SH3BGR: variants seen among roughly 807,000 people sequenced by gnomAD.
The protein encoded by SH3BGR is SH3 domain binding glutamate rich protein, also known as SH3 domain-binding glutamic acid-rich protein.
A neutral mutation model predicts 24.5 loss-of-function variants in SH3BGR; 29 were observed. That is an observed-to-expected ratio of 1.18 (90% CI 0.88 to 1.61). SH3BGR has a LOEUF of 1.61. Among genes scored for constraint, SH3BGR ranks in the 40% most tolerant of loss-of-function variants. The pLI, the probability that SH3BGR is intolerant of heterozygous loss-of-function variation, is 0.00. For synonymous variants in SH3BGR, 55 were observed against 65.7 expected, an observed-to-expected ratio of 0.84 and a Z score of 0.79; for missense variants, 162 against 205.8, an observed-to-expected ratio of 0.79 and a Z score of 1.30.
Position 39,511,497 on chromosome 21 carries a change from G to C in SH3BGR, c.436-183G>C, listed in dbSNP as rs758093899. Among the ~76,000 whole-genome samples, 6 of 150,242 alleles carry C rather than the reference G, an allele frequency of 4.0e-5. No homozygotes were observed. Among genetic ancestry groups the C allele is most frequent in the Non-Finnish European group, 8.9e-5 (6 of 67,516 alleles). On this transcript the variant is annotated intron_variant, in intron 5 of 6. Coordinates refer to ENST00000333634, the MANE Select transcript of SH3BGR (RefSeq NM_007341.3). The surrounding 1 kb of genome is among the most constrained non-coding windows in gnomAD (Gnocchi z 4.2). ...TGGGCGGTATGTGTGTGGGGTGTGT[G>C]TGTGGCATGTGTTTGTGTGGCATGT...
chr21:39,482,700 C>T (rs771988359), intron 3 of SH3BGR, among the ~76,000 whole-genome samples: 24 of 151,828 alleles, frequency 1.6e-4, no homozygotes, highest in Non-Finnish European at 5.9e-5. Flanking sequence ...GACAGAGTCT[C>T]GCTCTGTCAC....
At chr21:39,447,330 C>G (rs1221325286), upstream of SH3BGR, among the ~76,000 whole-genome samples, 1 of 151,878 alleles carries the variant, frequency 6.6e-6, no homozygotes, top group African/African-American at 2.4e-5. Flanking sequence ...ATGGTTTCCT[C>G]CTCTTTTCTA....
chr21:39,479,224 G>GGGTGGTGGTGGTGGTGGTGGT (rs973677506), intron 3 of SH3BGR, among the ~76,000 whole-genome samples: 3 of 137,584 alleles, frequency 2.2e-5, no homozygotes, highest in African/African-American at 3.3e-5. Flanking sequence ...GAGGTGGTAA[G>GGGTGGTGGTGGTGGTGGTGGT]GGTGGTGGTG....
intron 3 of SH3BGR, among the ~76,000 whole-genome samples, chr21:39,483,854 A>C (rs1038855368): frequency 6.6e-6 from 1 of 152,218 alleles, no homozygotes; most frequent in African/African-American, 2.4e-5. Flanking sequence ...CCTTATATTA[A>C]GTCTCCGAAA....
At chr21:39,480,273 A>G (rs1305484946) in intron 3 of SH3BGR, among the ~76,000 whole-genome samples, 1 of 152,180 alleles carries the variant, frequency 6.6e-6, no homozygotes, top group Non-Finnish European at 1.5e-5. Context: ...TTGTGCAACC[A>G]CCACCACTGT....
chr21:39,446,446 A>G (rs1461953426), intron 1 of SH3BGR, among the ~76,000 whole-genome samples: 1 of 152,180 alleles, frequency 6.6e-6, no homozygotes, highest in Admixed American at 6.5e-5. Flanking sequence ...CCTTAGGATA[A>G]ATTCCTACAA....
rs1324588403 is a variant in SH3BGR, at chr21:39,510,034, C to T, written c.435+1007C>T. 3.9e-5 allele frequency among the ~76,000 whole-genome samples: 5 copies of T among 128,648 alleles called. No homozygotes were observed. In the South Asian group the frequency reaches 1.2e-3, roughly 30 times the overall value. 84.4% of individuals were successfully genotyped at this position (128,648 alleles called of 152,430 possible). A position where few individuals can be genotyped will look rare whatever the true frequency, so the allele number is the denominator to read the frequency against. Reference sequence around the variant, plus strand: ...CTCGGCTCACTGCAAGCTCCGCCTCCCAGGTTCACGCCATTCTCCTGCCTC... The same window carrying T: ...CTCGGCTCACTGCAAGCTCCGCCTCTCAGGTTCACGCCATTCTCCTGCCTC... On this transcript the variant is annotated intron_variant, in intron 5 of 6. Coordinates refer to ENST00000333634, the MANE Select transcript of SH3BGR (RefSeq NM_007341.3).
chr21:39,469,074 A>T (rs530495157), intron 2 of SH3BGR, among the ~76,000 whole-genome samples: 11 of 148,616 alleles, frequency 7.4e-5, no homozygotes, highest in African/African-American at 2.7e-4. Flanking sequence ...CAGTGGTGCC[A>T]TCATGGCCCA....
rs1365001907 is a variant in SH3BGR at position 39,462,420 on chromosome 21, A to G, written c.91A>G (p.Lys31Glu). 6.2e-7 allele frequency: 1 copy of G among 1,612,284 alleles called. No homozygotes were observed. Among genetic ancestry groups the G allele is most frequent in the Non-Finnish European group, 8.5e-7 (1 of 1,179,644 alleles). The change falls in exon 2 of 7, where the codon AAA becomes GAA. Residue 31 changes from lysine to glutamate, a missense_variant. Coordinates refer to ENST00000333634, the MANE Select transcript of SH3BGR (RefSeq NM_007341.3). ...AGTAGTGGGTTTTTTGGAAGCGAAT[A>G]AAATCGACTTTAAGGAATTAGATAT... ...QEVVGFLEAN[K>E]IDFKELDIAG...
intron 2 of SH3BGR, among the ~76,000 whole-genome samples, chr21:39,465,971 GT>G (rs2077834901): frequency 6.6e-6 from 1 of 152,100 alleles, no homozygotes; most frequent in Admixed American, 6.5e-5. Context: ...AAACATTCAG[GT>G]TGTTTTCAGC....
At chr21:39,467,965 G>T (rs574084149) in intron 2 of SH3BGR, among the ~76,000 whole-genome samples, 2 of 152,212 alleles carry the variant, frequency 1.3e-5, no homozygotes, top group Non-Finnish European at 2.9e-5. Flanking sequence ...CAGGCTCCCC[G>T]CCTGACAGAG....
At chr21:39,504,753 A>G (rs182168563) in intron 4 of SH3BGR, among the ~76,000 whole-genome samples, 27 of 152,332 alleles carry the variant, frequency 1.8e-4, no homozygotes, top group African/African-American at 5.1e-4. Context: ...AGCATTTTAC[A>G]TAGATAACTT....
At chr21:39,458,604 C>G (rs2077703789) in intron 1 of SH3BGR, among the ~76,000 whole-genome samples, 1 of 149,828 alleles carries the variant, frequency 6.7e-6, no homozygotes, top group Non-Finnish European at 1.5e-5. Context: ...TCCCAAGATG[C>G]TGGGATTATA....
chr21:39,446,550 C>A (rs1369469987), intron 1 of SH3BGR, among the ~76,000 whole-genome samples: 1 of 152,180 alleles, frequency 6.6e-6, no homozygotes, highest in African/African-American at 2.4e-5. Flanking sequence ...ACTTGGCCCG[C>A]ATTGGAAATT....
Position 39,511,833 on chromosome 21 carries a change from A to G in SH3BGR, c.*34+24A>G. ...AGGTAGCTACAGGATTCTGGGGTGG[A>G]AAAGCTGCTAGTTACCGTACTGTAT... On this transcript the variant is annotated intron_variant, in intron 6 of 6. Transcript: ENST00000333634. This position sits in a 1 kb window ranked among gnomAD's most constrained non-coding sequence, Gnocchi z 4.2. The G allele has an allele frequency of 6.3e-7, 1 of 1,584,524 alleles. No individual in the cohort carries two copies. The highest frequency in any genetic ancestry group is 8.6e-7 in the Non-Finnish European group (1 of 1,168,948).
chr21:39,493,336 C>T (rs1243880681), intron 3 of SH3BGR, among the ~76,000 whole-genome samples: 1 of 152,166 alleles, frequency 6.6e-6, no homozygotes, highest in Non-Finnish European at 1.5e-5. Context: ...CTACATGTGG[C>T]TTGCCAATTA....
chr21:39,510,506 TGTA>T (rs1319180888), intron 5 of SH3BGR, among the ~76,000 whole-genome samples: 1 of 150,678 alleles, frequency 6.6e-6, no homozygotes, highest in Non-Finnish European at 1.5e-5. Context: ...TGAATACTCT[TGTA>T]GTCTCCTTTT....
intron 1 of SH3BGR, among the ~76,000 whole-genome samples, chr21:39,455,942 A>G (rs1353854490): frequency 2.0e-5 from 3 of 152,208 alleles, no homozygotes; most frequent in Non-Finnish European, 4.4e-5. Flanking sequence ...CCATGCGTCC[A>G]ACAGTCCCGC....
At chr21:39,514,508 C>T (rs548081372) in intron 6 of SH3BGR, among the ~76,000 whole-genome samples, 11 of 152,192 alleles carry the variant, frequency 7.2e-5, no homozygotes, top group Middle Eastern at 3.4e-3. Context: ...ATTACAGGCA[C>T]GCACTACTAT....
Sources: allele counts gnomAD v4.1 joint callset (sites outside exome capture counted in the v4.1 genomes callset), GRCh38; gene constraint gnomAD v4.1.1; non-coding constraint Gnocchi (gnomAD v3.1); transcripts MANE v1.5; gene names NCBI Gene and HGNC (gene_info 2026-07-23, HGNC 2026-07-21).